SYCP3: variants seen among roughly 807,000 people sequenced by gnomAD.
SYCP3 encodes synaptonemal complex protein 3.
Under a neutral mutation model 38.5 loss-of-function variants are expected in SYCP3, and 29 were observed. The ratio of observed to expected loss-of-function variants is 0.75; its 90% CI spans 0.56 to 1.03. The LOEUF (loss-of-function observed/expected upper bound fraction) is 1.03. SYCP3 is among the 50% of genes least tolerant of loss of function. The pLI is 0.00. For synonymous variants in SYCP3, 79 were observed against 80.3 expected (o/e 0.98, Z 0.08); for missense variants, 242 against 270.7 (o/e 0.89, Z 0.74).
At chr12:101,735,871 A>ATATATATTTTTTTTTTTTTTTTT in intron 4 of SYCP3, among the ~76,000 whole-genome samples, 12 of 74,780 alleles carry the variant, frequency 1.6e-4, no homozygotes, top group Non-Finnish European at 2.3e-4. Flanking sequence ...ATATATATAT[A>ATATATATTTTTTTTTTTTTTTTT]TTTTTTTTTT....
chr12:101,737,938 T>C lies in SYCP3; in HGVS notation c.-3A>G, dbSNP rs775051850. ...TACTTTTTTCCGGAGGACACCATAT[T>C]TAGATGCTTCCTGACTTTAAAAAAC... On this transcript the variant is annotated 5_prime_UTR_variant, in exon 2 of 9. Coordinates refer to ENST00000392924, the MANE Select transcript of SYCP3 (RefSeq NM_001177949.2). The C allele has an allele frequency of 6.2e-7, 1 of 1,614,176 alleles. No homozygotes were observed. Among genetic ancestry groups the C allele is most frequent in the Non-Finnish European group, 8.5e-7 (1 of 1,180,018 alleles).
chr12:101,728,804 T>C lies in SYCP3; in HGVS notation c.*123A>G. 7.0e-7 allele frequency: 1 copy of C among 1,428,640 alleles called. No individual in the cohort carries two copies. The highest frequency in any genetic ancestry group is 9.7e-7 in the Non-Finnish European group (1 of 1,033,908). The allele number at this position is 1,428,640 out of a possible 1,614,324, so 88.5% of individuals were successfully genotyped here. ...CTTAACAGAAAGGGAGGTCTTACAA[T>C]GAAACAGGTTTATGATTAAAGATGT... On this transcript the variant is annotated 3_prime_UTR_variant, in exon 9 of 9. Coordinates refer to ENST00000392924, the MANE Select transcript of SYCP3 (RefSeq NM_001177949.2).
In SYCP3 at chr12:101,728,923, G is replaced by A. The variant is rs772029488; in HGVS notation, c.*4C>T. On this transcript the variant is annotated 3_prime_UTR_variant, in exon 9 of 9. Coordinates refer to ENST00000392924, the MANE Select transcript of SYCP3 (RefSeq NM_001177949.2). ...TAGGTTCAAGTTCTTTCTTCAAAGA[G>A]TCATCAGAATAACATGGATTGAAGA... 1.2e-5 allele frequency: 19 copies of A among 1,613,346 alleles called. No homozygotes were observed. The highest frequency in any genetic ancestry group is 1.6e-5 in the Non-Finnish European group (19 of 1,179,676).
At chr12:101,739,183 C>T (rs1325092983) in intron 1 of SYCP3, 168 bp downstream of exon 1, 2 of 790,266 alleles carry the variant, frequency 2.5e-6, no homozygotes, top group Non-Finnish European at 1.5e-6. Context: ...CCAGCCCGCC[C>T]GCTTTCCACT....
At chr12:101,733,266 C>T (rs750020190) in intron 6 of SYCP3, 1 of 341,522 alleles carries the variant, frequency 2.9e-6, no homozygotes, top group Non-Finnish European at 5.5e-6. Context: ...GAGCAACCCC[C>T]TCCCTGTTCC....
At chr12:101,737,980 C>A in intron 1 of SYCP3, 28 bp from the exon 2 acceptor site, 1 of 1,612,664 alleles carries the variant, frequency 6.2e-7, no homozygotes, top group Non-Finnish European at 8.5e-7. Context: ...CTTTAACCTT[C>A]TGAATGCAAA....
At chr12:101,731,732 ATAAT>A in intron 6 of SYCP3, 66 bp from the exon 7 acceptor site, 2 of 1,118,254 alleles carry the variant, frequency 1.8e-6, no homozygotes, top group South Asian at 3.0e-5. Flanking sequence ...TTTAGAAAAA[ATAAT>A]TCTACATTAA....
In SYCP3 at chr12:101,735,028, A is replaced by T; in HGVS notation, c.252T>A (p.Ala84=). 1 of 1,608,820 alleles carries T rather than the reference A, an allele frequency of 6.2e-7. No homozygotes were observed. Among genetic ancestry groups the T allele is most frequent in the Non-Finnish European group, 8.5e-7 (1 of 1,175,534 alleles). The change falls in exon 5 of 9, where the codon GCT becomes GCA. Residue 84 remains alanine (A), a synonymous_variant. Coordinates refer to ENST00000392924, the MANE Select transcript of SYCP3 (RefSeq NM_001177949.2). ...CTAGTCTCTTTCTCTTGGCAAGAAG[A>T]GCCTTGTTAATGTCAACTAGATTGA... ...LEGVGVDINK[A]LLAKRKRLEM...
At position 101,737,299 on chromosome 12, in the gene SYCP3, C is replaced by A. The variant is rs1952488963; in HGVS notation, c.134-1G>T. 1.3e-6 allele frequency: 2 copies of A among 1,590,408 alleles called. No homozygotes were observed. The highest frequency in any genetic ancestry group is 8.5e-7 in the Non-Finnish European group (1 of 1,171,532). ...CGTTTCTCAATGACTGCAGTCTTCC[C>A]TGTATTGACAATTAAAAAAAAAAAA... On this transcript the variant is annotated splice_acceptor_variant, in intron 2 of 8. Transcript: ENST00000392924. LOFTEE classifies it high-confidence loss of function.
intron 5 of SYCP3, 132 bp downstream of exon 5, chr12:101,734,795 G>A (rs766101142): frequency 8.1e-5 from 53 of 650,356 alleles, no homozygotes; most frequent in Non-Finnish European, 1.5e-4. Context: ...TGATCTGCCT[G>A]CCTTGGCCTC....
chr12:101,737,658 T>G (rs908563532), intron 2 of SYCP3, 145 bp downstream of exon 2: 1 of 1,081,072 alleles, frequency 9.3e-7, no homozygotes, highest in Non-Finnish European at 1.4e-6. Context: ...TGGCCATCCG[T>G]GTCAGCAGGT....
intron 4 of SYCP3, among the ~76,000 whole-genome samples, chr12:101,736,708 A>ATGTG (rs34377603): frequency 0.025 from 3,696 of 149,100 alleles, 54 homozygotes; most frequent in African/African-American, 0.038. Flanking sequence ...ATGTATGTAT[A>ATGTG]TGTGTGTGTG....
chr12:101,734,112 T>C (rs545012449), intron 5 of SYCP3, among the ~76,000 whole-genome samples: 41 of 152,338 alleles, frequency 2.7e-4, no homozygotes, highest in African/African-American at 9.6e-4. Context: ...AAAGATTTTA[T>C]ACAAAAGAAG....
rs1952085423 is a variant in SYCP3, at chr12:101,729,415, G to C, written c.553-202C>G. The C allele has an allele frequency of 4.6e-5, 26 of 563,186 alleles. 1 individual carries two copies. The South Asian group carries it at 5.5e-4, about 12-fold the overall frequency. The allele number at this position is 563,186 out of a possible 1,614,324, so 34.9% of individuals were successfully genotyped here. A position where few individuals can be genotyped will look rare whatever the true frequency, so the allele number is the denominator to read the frequency against. On this transcript the variant is annotated intron_variant, in intron 7 of 8. Coordinates refer to ENST00000392924, the MANE Select transcript of SYCP3 (RefSeq NM_001177949.2). ...TATAAGACATGAATAAAATGTTATA[G>C]GAAGTACAATGTAGTATACTTTGCC...
chr12:101,730,490 A>ATTT, intron 7 of SYCP3: 1 of 391,712 alleles, frequency 2.6e-6, no homozygotes, highest in Admixed American at 3.1e-5. Flanking sequence ...GTGTGTGTAT[A>ATTT]ATTTTTTTTT....
At position 101,735,011 on chromosome 12, in the gene SYCP3, T is replaced by A. The variant is rs1337967083; in HGVS notation, c.269A>T (p.Lys90Met). The change falls in exon 5 of 9, where the codon AAG (lysine) becomes ATG (methionine). Residue 90 changes from lysine (K) to methionine (M), a missense_variant. Lys to Met is a moderately conservative substitution (Grantham distance 95). Transcript: ENST00000392924. ...DINKALLAKR[K>M]RLEMYTKASL... ...AGCCTTGGTATACATTTCTAGTCTC[T>A]TTCTCTTGGCAAGAAGAGCCTTGTT... 6.2e-7 allele frequency: 1 copy of A among 1,613,066 alleles called. No individual in the cohort carries two copies. The highest frequency in any genetic ancestry group is 1.3e-5 in the African/African-American group (1 of 74,916).
intron 7 of SYCP3, among the ~76,000 whole-genome samples, chr12:101,730,978 T>C (rs1405096931): frequency 1.3e-5 from 2 of 152,172 alleles, no homozygotes; most frequent in Non-Finnish European, 2.9e-5. Context: ...TATTTCTGCC[T>C]GAACAAGAGG....
intron 2 of SYCP3, 33 bp from the exon 3 acceptor site, chr12:101,737,331 C>G (rs1487784060): frequency 1.4e-5 from 18 of 1,262,004 alleles, no homozygotes; most frequent in Non-Finnish European, 2.0e-5. Context: ...AAAAAAAAAG[C>G]TTTTGAAACT....
intron 5 of SYCP3, among the ~76,000 whole-genome samples, chr12:101,734,031 A>G (rs1952295503): frequency 6.6e-6 from 1 of 152,168 alleles, no homozygotes; most frequent in African/African-American, 2.4e-5. Context: ...AAATAAGGTG[A>G]TTGTATTTAT....
Sources: gnomAD v4.1 joint callset for allele counts (sites outside exome capture counted in the v4.1 genomes callset) on GRCh38, gnomAD v4.1.1 for gene constraint, MANE v1.5 for transcripts, NCBI Gene and HGNC (gene_info 2026-07-23, HGNC 2026-07-21) for gene names.